Variants in FAM120A observed in about 807,000 individuals in gnomAD.
FAM120A encodes the protein constitutive coactivator of PPAR-gamma-like protein 1.
A neutral mutation model predicts 109.7 loss-of-function variants in FAM120A; 15 were observed. The observed-to-expected ratio is 0.14, with a 90% confidence interval of 0.09 to 0.21. The LOEUF (loss-of-function observed/expected upper bound fraction) is 0.21, where lower values mean the gene tolerates loss of function less well. Ranked by LOEUF, FAM120A falls within the 10% of genes least tolerant of loss-of-function variation. The probability of loss-of-function intolerance (pLI) is 1.00; values close to 1 mark genes in which losing one functional copy is unlikely to be tolerated. For missense variants in FAM120A, 899 were observed against 1,439.3 expected (o/e 0.62, Z 6.07); for synonymous variants, 493 against 572.8 (o/e 0.86, Z 1.99).
intron 3 of FAM120A, among the ~76,000 whole-genome samples, chr9:93,477,499 A>G (rs1858598502): frequency 6.6e-6 from 1 of 152,220 alleles, no homozygotes; most frequent in South Asian, 2.1e-4. Flanking sequence ...GTATGTTTTC[A>G]TGAATGAAGT....
intron 3 of FAM120A, among the ~76,000 whole-genome samples, chr9:93,489,900 C>G (rs575975715): frequency 3.2e-4 from 49 of 152,274 alleles, no homozygotes; most frequent in Non-Finnish European, 5.9e-4. Flanking sequence ...GGGCCAAGGA[C>G]TGTGGTGGTG....
intron 7 of FAM120A, among the ~76,000 whole-genome samples, chr9:93,525,846 C>T (rs1861058250): frequency 6.6e-6 from 1 of 152,218 alleles, no homozygotes; most frequent in South Asian, 2.1e-4. Context: ...CTCCAAGCTC[C>T]ATGAAGACCG....
chr9:93,458,439 A>G (rs1857650411), intron 1 of FAM120A, among the ~76,000 whole-genome samples: 1 of 152,108 alleles, frequency 6.6e-6, no homozygotes, highest in Non-Finnish European at 1.5e-5. Context: ...CATGCTTGGT[A>G]TTCCAGCATC....
intron 3 of FAM120A, among the ~76,000 whole-genome samples, chr9:93,492,164 T>TTGTG (rs543047932): frequency 6.0e-5 from 9 of 150,978 alleles, no homozygotes; most frequent in African/African-American, 2.0e-4. Flanking sequence ...TTTATACAGG[T>TTGTG]TGTGTGTGTG....
chr9:93,498,767 A>G lies in FAM120A; in HGVS notation c.934-23A>G. Reference sequence around the variant, plus strand: ...TGACCAGTGGCACACTAATTTATGAAGGTTTTCCTGCCTTTATTTCAGTCT... The same window carrying G: ...TGACCAGTGGCACACTAATTTATGAGGGTTTTCCTGCCTTTATTTCAGTCT... On this transcript the variant is annotated intron_variant, in intron 4 of 17. Transcript: ENST00000277165. The surrounding 1 kb of genome is among the most constrained non-coding windows in gnomAD (Gnocchi z 4.4). 7.1e-7 allele frequency: 1 copy of G among 1,412,116 alleles called. No individual in the cohort carries two copies. The highest frequency in any genetic ancestry group is 1.0e-6 in the Non-Finnish European group (1 of 995,982). The allele number at this position is 1,412,116 out of a possible 1,614,324, so 87.5% of individuals were successfully genotyped here. A position where few individuals can be genotyped will look rare whatever the true frequency, so the allele number is the denominator to read the frequency against.
intron 9 of FAM120A, chr9:93,529,826 C>G (rs936288906): frequency 5.2e-6 from 3 of 572,782 alleles, no homozygotes; most frequent in Non-Finnish European, 9.3e-6. Context: ...TTTTATACTT[C>G]TAATGAAATA....
intron 1 of FAM120A, among the ~76,000 whole-genome samples, chr9:93,470,696 C>G (rs1460465342): frequency 1.3e-5 from 2 of 152,134 alleles, no homozygotes; most frequent in African/African-American, 4.8e-5. Context: ...ATGATTTCAC[C>G]TGACACATTT....
chr9:93,543,495 G>A lies in FAM120A; in HGVS notation c.2159+24G>A, dbSNP rs759087616. On this transcript the variant is annotated intron_variant, in intron 11 of 17. Transcript: ENST00000277165. ...CGGTGGGTGCCATGCATGGGAGCTG[G>A]GACCTGGGTCCCCGCCAGGTGTAGG... is the stretch of plus-strand genomic sequence containing the variant. 3.1e-6 allele frequency: 5 copies of A among 1,606,790 alleles called. No homozygotes were observed. The African/African-American group carries it at 6.7e-5, about 21-fold the overall frequency.
chr9:93,516,605 C>G (rs1185876939), intron 7 of FAM120A, among the ~76,000 whole-genome samples: 2 of 152,240 alleles, frequency 1.3e-5, no homozygotes, highest in East Asian at 3.9e-4. Context: ...TCACACCCGT[C>G]ACAGCAACCC....
chr9:93,556,940 G>A (rs1177382663), intron 13 of FAM120A, among the ~76,000 whole-genome samples: 1 of 152,060 alleles, frequency 6.6e-6, no homozygotes, highest in Non-Finnish European at 1.5e-5. Flanking sequence ...TATTTCATGT[G>A]CATTTTCGTT....
At chr9:93,476,127 G>A in intron 2 of FAM120A, 129 bp from the exon 3 acceptor site, 1 of 615,832 alleles carries the variant, frequency 1.6e-6, no homozygotes, top group Non-Finnish European at 2.9e-6. Flanking sequence ...TTTATGTTAA[G>A]AGATGAAGAT....
intron 10 of FAM120A, among the ~76,000 whole-genome samples, chr9:93,541,956 A>G (rs991645350): frequency 9.2e-5 from 14 of 152,180 alleles, no homozygotes; most frequent in Non-Finnish European, 1.6e-4. Flanking sequence ...AGATTATTGT[A>G]TTGCCTGACT....
intron 3 of FAM120A, among the ~76,000 whole-genome samples, chr9:93,481,506 T>C (rs187833428): frequency 4.0e-4 from 61 of 152,328 alleles, no homozygotes; most frequent in Non-Finnish European, 7.9e-4. Flanking sequence ...GTTGGACCTG[T>C]TTAGTTTCAG....
At chr9:93,454,221 G>T (rs1857443327) in intron 1 of FAM120A, among the ~76,000 whole-genome samples, 1 of 152,156 alleles carries the variant, frequency 6.6e-6, no homozygotes, top group Non-Finnish European at 1.5e-5. Flanking sequence ...TTTTGCTTTT[G>T]CTAAGCTTTT....
At chr9:93,560,469 A>G (rs1862431486) in intron 15 of FAM120A, among the ~76,000 whole-genome samples, 1 of 152,230 alleles carries the variant, frequency 6.6e-6, no homozygotes, top group African/African-American at 2.4e-5. Flanking sequence ...TGCCACAGCT[A>G]ACACCAAGAT....
At chr9:93,561,775 AATTATTAAATAATTAACC>A (rs1482831845) in intron 16 of FAM120A, among the ~76,000 whole-genome samples, 40 of 152,028 alleles carry the variant, frequency 2.6e-4, no homozygotes, top group African/African-American at 9.4e-4. Context: ...AATAATTAAC[AATTATTAAATAATTAACC>A]ATACAATTTT....
At chr9:93,490,543 A>G (rs1461413628) in intron 3 of FAM120A, among the ~76,000 whole-genome samples, 1 of 152,258 alleles carries the variant, frequency 6.6e-6, no homozygotes, top group East Asian at 1.9e-4. Flanking sequence ...GTTGGGTTTA[A>G]CAGTTGGAAT....
At chr9:93,558,464 A>T (rs1862366790) in intron 14 of FAM120A, 117 bp from the exon 15 acceptor site, 1 of 1,297,262 alleles carries the variant, frequency 7.7e-7, no homozygotes, top group Non-Finnish European at 1.1e-6. Flanking sequence ...AAGAGGGGCC[A>T]GGAGACCCCT....
rs755264001 is a variant in FAM120A, at chr9:93,451,985, C to A, written c.70C>A (p.Gln24Lys). Residue 24 changes from glutamine (Q) to lysine (K), a missense_variant, in exon 1 of 18, where the codon CAG (glutamine) becomes AAG (lysine). By Grantham distance (53) the Gln-to-Lys change is moderately conservative. Transcript: ENST00000277165. ...CPSAVVPVEL[Q>K]KLARGSLVGG... ...GAGCGCCGTGGTGCCGGTGGAGCTG[C>A]AGAAGCTGGCCCGGGGCAGCCTGGT... is the stretch of plus-strand genomic sequence containing the variant. 6.5e-7 allele frequency: 1 copy of A among 1,546,608 alleles called. No individual in the cohort carries two copies. Among genetic ancestry groups the A allele is most frequent in the Admixed American group, 2.0e-5 (1 of 50,138 alleles).
Sources: allele counts gnomAD v4.1 joint callset (sites outside exome capture counted in the v4.1 genomes callset), GRCh38; gene constraint gnomAD v4.1.1; non-coding constraint Gnocchi (gnomAD v3.1); transcripts MANE v1.5; gene names NCBI Gene and HGNC (gene_info 2026-07-23, HGNC 2026-07-21).